APBA1: variants seen among roughly 807,000 people sequenced by gnomAD.
APBA1 encodes the protein amyloid-beta A4 precursor protein-binding family A member 1.
In APBA1, 55 loss-of-function variants were observed where a neutral mutation model predicts 86.6. The observed-to-expected ratio is 0.64, with a 90% CI of 0.51 to 0.80. The LOEUF (loss-of-function observed/expected upper bound fraction) is 0.80, where lower values mean the gene tolerates loss of function less well. APBA1 is among the 30% of genes least tolerant of loss of function. The pLI, the probability that APBA1 is intolerant of heterozygous loss-of-function variation, is 0.00. For missense variants in APBA1, 1,090 were observed against 1,183.0 expected, an observed-to-expected ratio of 0.92 and a Z score of 1.15; for synonymous variants, 511 against 493.9, an observed-to-expected ratio of 1.03 and a Z score of -0.46.
At chr9:69,623,539 G>C (rs959133) in intron 1 of APBA1, among the ~76,000 whole-genome samples, 138,589 of 152,108 alleles carry the variant, frequency 0.91, 63,729 homozygotes, top group East Asian at 1. Flanking sequence ...CAAAGAAAAT[G>C]CTCCCCAACC....
chr9:69,452,055 G>C (rs1358746961), intron 9 of APBA1, 67 bp downstream of exon 9: 1 of 1,464,766 alleles, frequency 6.8e-7, no homozygotes, highest in African/African-American at 1.4e-5. Flanking sequence ...CCGCGGCAGG[G>C]TGCCCCACTT....
At chr9:69,525,693 A>G (rs7866895) in intron 1 of APBA1, among the ~76,000 whole-genome samples, 151,404 of 152,256 alleles carry the variant, frequency 0.99, 75,284 homozygotes, top group East Asian at 1. Context: ...AACTACCAAC[A>G]TCATTTTTCA....
intron 1 of APBA1, among the ~76,000 whole-genome samples, chr9:69,625,275 A>T (rs1419791114): frequency 6.6e-6 from 1 of 152,114 alleles, no homozygotes; most frequent in Non-Finnish European, 1.5e-5. Flanking sequence ...TTTCACTGAG[A>T]CCTTCTTGTC....
In APBA1 at chr9:69,516,033, T is replaced by G; in HGVS notation, c.1178A>C (p.Asp393Ala). 6.3e-7 allele frequency: 1 copy of G among 1,584,272 alleles called. No individual in the cohort carries two copies. Reference protein sequence around the residue: ...QDISPTRDCDDQRPMDGDSPS... With the variant: ...QDISPTRDCDAQRPMDGDSPS... ...TACATCTCCGTCCATCGGCCTCTGG[T>G]CGTCACAGTCCCTGGTGGGGCTAAT... Residue 393 changes from aspartate (D) to alanine (A), a missense_variant, in exon 2 of 13, where the codon GAC becomes GCC. Transcript: ENST00000265381. This position sits in a 1 kb window ranked among gnomAD's most constrained non-coding sequence, Gnocchi z 7.3.
At chr9:69,440,570 G>A (rs1031821825) in intron 11 of APBA1, among the ~76,000 whole-genome samples, 21 of 152,162 alleles carry the variant, frequency 1.4e-4, no homozygotes, top group Admixed American at 4.6e-4. Flanking sequence ...ATGGGCGTAG[G>A]ACCCTCCGAG....
chr9:69,551,223 T>C (rs1836779248), intron 1 of APBA1, among the ~76,000 whole-genome samples: 1 of 152,196 alleles, frequency 6.6e-6, no homozygotes, highest in African/African-American at 2.4e-5. Flanking sequence ...TGTAACAGCA[T>C]ATGTAGCTTC....
intron 1 of APBA1, among the ~76,000 whole-genome samples, chr9:69,668,256 A>G (rs1823880315): frequency 6.6e-6 from 1 of 152,134 alleles, no homozygotes; most frequent in Non-Finnish European, 1.5e-5. Flanking sequence ...GTCATGCTCA[A>G]AAAGAAACTT....
chr9:69,638,488 A>G (rs1281398998), intron 1 of APBA1, among the ~76,000 whole-genome samples: 2 of 152,142 alleles, frequency 1.3e-5, no homozygotes, highest in Non-Finnish European at 2.9e-5. Flanking sequence ...TGATCTGTCC[A>G]CCTCGACCTC....
intron 1 of APBA1, among the ~76,000 whole-genome samples, chr9:69,608,168 A>G (rs1453053856): frequency 6.6e-6 from 1 of 152,218 alleles, no homozygotes; most frequent in Non-Finnish European, 1.5e-5. Flanking sequence ...TATTCCCCCA[A>G]GAACACTTAG....
chr9:69,635,012 A>G (rs905500736), intron 1 of APBA1, among the ~76,000 whole-genome samples: 1 of 152,176 alleles, frequency 6.6e-6, no homozygotes, highest in African/African-American at 2.4e-5. Flanking sequence ...ATGCTAATGA[A>G]CAATAAGAAA....
At chr9:69,573,715 A>G (rs1260846177) in intron 1 of APBA1, among the ~76,000 whole-genome samples, 2 of 152,230 alleles carry the variant, frequency 1.3e-5, no homozygotes, top group East Asian at 1.9e-4. Context: ...GTTTCTGACA[A>G]TTTCCAAGCT....
intron 6 of APBA1, among the ~76,000 whole-genome samples, chr9:69,457,933 CCT>C (rs1232048150): frequency 1.3e-5 from 2 of 152,186 alleles, no homozygotes; most frequent in Admixed American, 6.5e-5. Flanking sequence ...CAATCTGCTC[CCT>C]GTCGTTCCTC....
intron 12 of APBA1, among the ~76,000 whole-genome samples, 199 bp from the exon 13 acceptor site, chr9:69,431,597 AG>A (rs1324552720): frequency 6.6e-6 from 1 of 152,254 alleles, no homozygotes; most frequent in African/African-American, 2.4e-5. Flanking sequence ...TCAAAAGCTT[AG>A]GGGTGACAGA....
At chr9:69,471,724 A>C in intron 3 of APBA1, 29 bp from the exon 4 acceptor site, 1 of 1,591,206 alleles carries the variant, frequency 6.3e-7, no homozygotes, top group East Asian at 2.2e-5. Context: ...GGTTTCAAAA[A>C]GAGCAAAGCA....
intron 1 of APBA1, among the ~76,000 whole-genome samples, chr9:69,575,487 T>C (rs1245224077): frequency 5.9e-5 from 9 of 152,162 alleles, no homozygotes; most frequent in Non-Finnish European, 1.2e-4. Flanking sequence ...CAAAACAGCA[T>C]GGTACTGGTA....
At chr9:69,472,712 C>A (rs1262815659) in intron 3 of APBA1, 1 of 152,176 alleles carries the variant, frequency 6.6e-6, no homozygotes, top group Non-Finnish European at 1.5e-5. Flanking sequence ...GATAGGCTGA[C>A]CTGCATAGAG....
At chr9:69,635,282 G>A (rs1268635444) in intron 1 of APBA1, among the ~76,000 whole-genome samples, 1 of 148,330 alleles carries the variant, frequency 6.7e-6, no homozygotes, top group Admixed American at 6.7e-5. Flanking sequence ...TGCAATTGGT[G>A]TTAAGTTGTG....
At chr9:69,528,496 G>T (rs2133903515) in intron 1 of APBA1, among the ~76,000 whole-genome samples, 1 of 152,198 alleles carries the variant, frequency 6.6e-6, no homozygotes, top group Non-Finnish European at 1.5e-5. Context: ...TCAAGAGACA[G>T]TCTCTGGAAA....
intron 1 of APBA1, among the ~76,000 whole-genome samples, chr9:69,638,469 G>C (rs1322290431): frequency 6.6e-6 from 1 of 152,156 alleles, no homozygotes; most frequent in Non-Finnish European, 1.5e-5. Context: ...TCGAACTCCA[G>C]ACCTCAGGTG....
Sources: allele counts gnomAD v4.1 joint callset (sites outside exome capture counted in the v4.1 genomes callset), GRCh38; gene constraint gnomAD v4.1.1; non-coding constraint Gnocchi (gnomAD v3.1); transcripts MANE v1.5; gene names NCBI Gene and HGNC (gene_info 2026-07-23, HGNC 2026-07-21).